The following ADAMTSL1 variants were observed in gnomAD, a reference collection of about 807,000 sequenced individuals.
The protein encoded by ADAMTSL1 is ADAMTS like 1.
A neutral mutation model predicts 201.8 loss-of-function variants in ADAMTSL1; 126 were observed. The ratio of observed to expected loss-of-function variants is 0.62; its 90% CI spans 0.54 to 0.72. The LOEUF (loss-of-function observed/expected upper bound fraction) is 0.72. Among genes scored for constraint, ADAMTSL1 ranks in the 30% least tolerant of loss-of-function variants. The pLI is 0.00. For missense variants in ADAMTSL1, 2,679 were observed against 2,277.8 expected (o/e 1.18, Z -3.59); for synonymous variants, 1,121 against 903.4 (o/e 1.24, Z -4.32).
chr9:18,034,018 G>T (rs1280581803), intron 1 of ADAMTSL1, among the ~76,000 whole-genome samples: 1 of 152,120 alleles, frequency 6.6e-6, no homozygotes, highest in South Asian at 2.1e-4. Flanking sequence ...AGAAATCAAA[G>T]TCAGCAGCTC....
intron 1 of ADAMTSL1, among the ~76,000 whole-genome samples, chr9:17,959,355 T>A (rs192061352): frequency 6.6e-6 from 1 of 152,348 alleles, no homozygotes; most frequent in Admixed American, 6.5e-5. Context: ...TAGCTGATGC[T>A]ATAGAAATAG....
intron 1 of ADAMTSL1, among the ~76,000 whole-genome samples, chr9:17,919,968 T>C (rs1056580557): frequency 1.3e-5 from 2 of 152,150 alleles, no homozygotes; most frequent in African/African-American, 4.8e-5. Context: ...TTTTTCCACA[T>C]CCTCACTATC....
rs114039687 is a variant in ADAMTSL1 at position 18,760,807 on chromosome 9, G to A, written c.2217+7299G>A. On this transcript the variant is annotated intron_variant, in intron 16 of 28. Coordinates refer to ENST00000380548, the MANE Select transcript of ADAMTSL1 (RefSeq NM_001040272.6). ...CCATGTCCCTTTGCACCTTCAGTGC[G>A]TACACACAATCTTGCTATGCCAGCA... Among the ~76,000 whole-genome samples, 45 of 152,336 alleles carry A rather than the reference G, an allele frequency of 3.0e-4. 3 individuals are homozygous for A. Among genetic ancestry groups the A allele is most frequent in the East Asian group, 2.3e-3 (12 of 5,182 alleles).
At chr9:18,274,341 A>T (rs1276328702) in intron 2 of ADAMTSL1, among the ~76,000 whole-genome samples, 1 of 152,016 alleles carries the variant, frequency 6.6e-6, no homozygotes, top group Non-Finnish European at 1.5e-5. Context: ...TCCAAATCTT[A>T]AAAAACATGA....
Position 18,817,099 on chromosome 9 carries a change from T to TTATC in ADAMTSL1, c.3806-8_3806-5dup, listed in dbSNP as rs762838426. Reference sequence around the variant, plus strand: ...ACCAAGTAACATCTCATATTCTTTCTTATCTTCAGGAAAGCCACTAGTGAA... The same window carrying TTATC: ...ACCAAGTAACATCTCATATTCTTTCTTATCTATCTTCAGGAAAGCCACTAGTGAA... On this transcript the variant is annotated splice_polypyrimidine_tract_variant and intron_variant, in intron 20 of 28. Coordinates refer to ENST00000380548, the MANE Select transcript of ADAMTSL1 (RefSeq NM_001040272.6). 33 of 1,608,508 alleles carry TTATC rather than the reference T, an allele frequency of 2.1e-5. No homozygotes were observed. In the African/African-American group the frequency reaches 3.5e-4, roughly 17 times the overall value.
chr9:18,414,999 C>A (rs1392684962), intron 2 of ADAMTSL1, among the ~76,000 whole-genome samples: 1 of 152,126 alleles, frequency 6.6e-6, no homozygotes, highest in Non-Finnish European at 1.5e-5. Context: ...ATAATTAGCC[C>A]CAATCTAAAT....
At chr9:18,762,556 A>G (rs919873288) in intron 16 of ADAMTSL1, among the ~76,000 whole-genome samples, 2 of 152,118 alleles carry the variant, frequency 1.3e-5, no homozygotes, top group African/African-American at 4.8e-5. Context: ...ATTATTGACT[A>G]TAGTCACCCT....
At chr9:18,547,633 T>TAAATAAA (rs1554702002) in intron 3 of ADAMTSL1, among the ~76,000 whole-genome samples, 18 of 86,266 alleles carry the variant, frequency 2.1e-4, no homozygotes, top group African/African-American at 9.4e-4. Flanking sequence ...TATATATATA[T>TAAATAAA]AAAAAAAAAA....
chr9:18,381,834 C>A (rs901459967), intron 2 of ADAMTSL1, among the ~76,000 whole-genome samples: 46 of 151,868 alleles, frequency 3.0e-4, no homozygotes, highest in African/African-American at 1.1e-3. Context: ...AACTATCTCA[C>A]CGTCATCAGT....
chr9:18,017,571 T>C (rs760473541), intron 1 of ADAMTSL1, among the ~76,000 whole-genome samples: 2 of 151,990 alleles, frequency 1.3e-5, no homozygotes, highest in African/African-American at 2.4e-5. Context: ...TCCGAAGCCA[T>C]GTATAGCTCC....
intron 1 of ADAMTSL1, among the ~76,000 whole-genome samples, chr9:18,075,387 G>T (rs1823171844): frequency 6.6e-6 from 1 of 152,272 alleles, no homozygotes; most frequent in East Asian, 1.9e-4. Context: ...AAAAAGCCCT[G>T]GTAGTTTAAC....
chr9:17,962,003 A>G (rs1249773796), intron 1 of ADAMTSL1, among the ~76,000 whole-genome samples: 1 of 152,338 alleles, frequency 6.6e-6, no homozygotes, highest in Non-Finnish European at 1.5e-5. Context: ...ATTGACTTGC[A>G]GCAGGAAGAT....
chr9:17,974,057 A>G (rs1041327747), intron 1 of ADAMTSL1, among the ~76,000 whole-genome samples: 1 of 152,038 alleles, frequency 6.6e-6, no homozygotes, highest in African/African-American at 2.4e-5. Flanking sequence ...CCTTCATGCT[A>G]AAAACTCTCA....
chr9:18,647,591 T>C (rs1324372984), intron 7 of ADAMTSL1, among the ~76,000 whole-genome samples: 1 of 152,168 alleles, frequency 6.6e-6, no homozygotes, highest in Non-Finnish European at 1.5e-5. Flanking sequence ...GTTGTGTCTT[T>C]GTTCTCGTTG....
chr9:18,552,516 G>A (rs2132229065), intron 3 of ADAMTSL1, among the ~76,000 whole-genome samples: 1 of 151,848 alleles, frequency 6.6e-6, no homozygotes, highest in East Asian at 1.9e-4. Flanking sequence ...TAGAGAACAT[G>A]TTTTCCTGCT....
intron 3 of ADAMTSL1, among the ~76,000 whole-genome samples, chr9:18,550,574 C>T (rs1820738841): frequency 6.6e-6 from 1 of 151,868 alleles, no homozygotes; most frequent in South Asian, 2.1e-4. Context: ...AGCCAACAAC[C>T]TCAATGCATT....
At chr9:18,817,019 A>T in intron 20 of ADAMTSL1, 90 bp from the exon 21 acceptor site, 1 of 1,502,984 alleles carries the variant, frequency 6.7e-7, no homozygotes. Context: ...TAGACCAGCC[A>T]TGCATTGGTG....
chr9:18,224,553 A>C (rs1830375542), intron 2 of ADAMTSL1, among the ~76,000 whole-genome samples: 1 of 152,124 alleles, frequency 6.6e-6, no homozygotes, highest in African/African-American at 2.4e-5. Context: ...TGTGCTTCTC[A>C]CATACAAAAT....
intron 1 of ADAMTSL1, among the ~76,000 whole-genome samples, chr9:17,919,257 T>C (rs571548216): frequency 4.9e-4 from 74 of 151,928 alleles, no homozygotes; most frequent in African/African-American, 1.7e-3. Flanking sequence ...GTACACTTCC[T>C]TTTTGTAAAA....
Sources: gnomAD v4.1 joint callset for allele counts (sites outside exome capture counted in the v4.1 genomes callset) on GRCh38, gnomAD v4.1.1 for gene constraint, MANE v1.5 for transcripts, NCBI Gene and HGNC (gene_info 2026-07-23, HGNC 2026-07-21) for gene names.